The following VWCE variants were observed in gnomAD, a reference collection of about 807,000 sequenced individuals.
VWCE encodes von Willebrand factor C and EGF domains.
Under a neutral mutation model 102.9 loss-of-function variants are expected in VWCE, and 68 were observed. That is an observed-to-expected ratio of 0.66 (90% confidence interval 0.54 to 0.81). The LOEUF is 0.81. VWCE is among the 30% of genes least tolerant of loss of function. The probability of loss-of-function intolerance (pLI) is 0.00; values close to 1 mark genes in which losing one functional copy is unlikely to be tolerated. For missense variants in VWCE, 1,137 were observed against 1,263.6 expected (o/e 0.90, Z 1.52); for synonymous variants, 497 against 515.4 (o/e 0.96, Z 0.48).
At chr11:61,270,079 A>G (rs2134758974) in intron 14 of VWCE, among the ~76,000 whole-genome samples, 1 of 151,836 alleles carries the variant, frequency 6.6e-6, no homozygotes, top group South Asian at 2.1e-4. Flanking sequence ...CACCACGCCC[A>G]GCTAATTTTT....
intron 5 of VWCE, among the ~76,000 whole-genome samples, chr11:61,285,897 G>A (rs910170794): frequency 1.3e-5 from 2 of 152,148 alleles, no homozygotes; most frequent in African/African-American, 4.8e-5. Flanking sequence ...GGGATTACAG[G>A]TGCTCGCCAC....
In VWCE at chr11:61,271,708, C is replaced by G; in HGVS notation, c.1752G>C (p.Ser584=). The G allele has an allele frequency of 6.2e-7, 1 of 1,613,534 alleles. No individual in the cohort carries two copies. The part of the protein sequence containing the change: ...GVEFPIGQIW[S]PGDPCELCIC... ...TGCATAACTCACAGGGGTCACCAGG[C>G]GACCAGATCTGTCCAATCGGAAACT... The change falls in exon 14 of 20, where the codon TCG becomes TCC. Residue 584 remains serine (S), a synonymous_variant. Coordinates refer to ENST00000335613, the MANE Select transcript of VWCE (RefSeq NM_152718.2).
At chr11:61,267,126 T>TG (rs1173221126) in intron 16 of VWCE, among the ~76,000 whole-genome samples, 1 of 152,022 alleles carries the variant, frequency 6.6e-6, no homozygotes, top group Non-Finnish European at 1.5e-5. Context: ...GGCGTGGTGG[T>TG]GCATGCCTGT....
At position 61,281,813 on chromosome 11, in the gene VWCE, G is replaced by T. The variant is rs779537106; in HGVS notation, c.760C>A (p.Leu254Ile). ...TCACAGGACACGCGGTCAGCTCGGAGCCTGAAGCCAGGTCGGCATGTGCAT... is the reference window on the plus strand; with the variant it reads ...TCACAGGACACGCGGTCAGCTCGGATCCTGAAGCCAGGTCGGCATGTGCAT... ...FLCTCRPGFR[L>I]RADRVSCEAF... Residue 254 changes from leucine (L) to isoleucine (I), a missense_variant, in exon 7 of 20, where the codon CTC becomes ATC. Physicochemically the swap from Leu to Ile is conservative, Grantham distance 5. Coordinates refer to ENST00000335613, the MANE Select transcript of VWCE (RefSeq NM_152718.2). 3.7e-6 allele frequency: 6 copies of T among 1,613,790 alleles called. No individual in the cohort carries two copies. The highest frequency in any genetic ancestry group is 3.3e-5 in the South Asian group (3 of 90,950).
rs1431265032 is a variant in VWCE, at chr11:61,259,109, T to C, written c.2434A>G (p.Thr812Ala). The C allele has an allele frequency of 1.1e-5, 17 of 1,614,070 alleles. No homozygotes were observed. In the East Asian group the frequency reaches 3.6e-4, roughly 34 times the overall value. ...GCTCCTGCCGGGCTTGTAGGTAAAG[T>C]CTGTGTTTTCATCAAGTTCGTTCTT... ...LLRTNLMKTQ[T>A]LPTSPAGAHG... Residue 812 changes from threonine to alanine, a missense_variant, in exon 20 of 20, where the codon ACT (threonine) becomes GCT (alanine). Around this residue, in one of 5 missense-constraint regions of VWCE, gnomAD observed 316 missense variants for 319.3 expected, o/e 0.99. Coordinates refer to ENST00000335613, the MANE Select transcript of VWCE (RefSeq NM_152718.2).
Position 61,258,965 on chromosome 11 carries a change from C to T in VWCE, c.2578G>A (p.Ala860Thr), listed in dbSNP as rs1854270850. 6.3e-6 allele frequency: 10 copies of T among 1,587,272 alleles called. No homozygotes were observed. The highest frequency in any genetic ancestry group is 8.6e-6 in the Non-Finnish European group (10 of 1,167,714). The part of the protein sequence containing the change: ...TPPGAPTLPL[A>T]SPGAPQPPPV... ...GGTGGCTGAGGAGCCCCTGGGGAAG[C>T]TAGAGGTAGAGTGGGGGCTCCTGGA... is the stretch of plus-strand genomic sequence containing the variant. Residue 860 changes from alanine to threonine, a missense_variant, in exon 20 of 20, where the codon GCT becomes ACT. Physicochemically the swap from Ala to Thr is moderately conservative, Grantham distance 58 (BLOSUM62 0). Around this residue, in one of 5 missense-constraint regions of VWCE, gnomAD observed 316 missense variants for 319.3 expected, o/e 0.99. Coordinates refer to ENST00000335613, the MANE Select transcript of VWCE (RefSeq NM_152718.2).
intron 4 of VWCE, among the ~76,000 whole-genome samples, chr11:61,289,966 G>A (rs1855447853): frequency 6.6e-6 from 1 of 152,196 alleles, no homozygotes; most frequent in Non-Finnish European, 1.5e-5. Context: ...TTCTGGGGAA[G>A]GTAACAGATT....
chr11:61,286,716 G>A (rs978465847), intron 4 of VWCE, among the ~76,000 whole-genome samples: 104 of 152,096 alleles, frequency 6.8e-4, no homozygotes, highest in Non-Finnish European at 1.3e-3. Context: ...CAGGAGAATC[G>A]CTTGAACCCA....
rs142520723 is a variant in VWCE, at chr11:61,281,191, G to A, written c.832C>T (p.Arg278Trp). 631 of 1,613,258 alleles carry A rather than the reference G, an allele frequency of 3.9e-4. 3 individuals are homozygous for A. The East Asian group carries it at 0.011, about 29-fold the overall frequency. The change falls in exon 8 of 20, where the codon CGG becomes TGG. Residue 278 changes from arginine (R) to tryptophan (W), a missense_variant. Transcript: ENST00000335613. ...AGAAGCATCTTGGACGGGTGTTGCC[G>A]GGGTTGCAGGATGGCAGATGGGGCC... ...VLAPSAILQPRQHPSKMLLLL... is the reference protein window; with the variant it reads ...VLAPSAILQPWQHPSKMLLLL...
chr11:61,266,768 C>G (rs1382333496), intron 16 of VWCE, among the ~76,000 whole-genome samples: 1 of 152,156 alleles, frequency 6.6e-6, no homozygotes, highest in Non-Finnish European at 1.5e-5. Flanking sequence ...AGATGATAAA[C>G]TCTTGAATGG....
At chr11:61,263,703 A>G (rs893875105) in intron 19 of VWCE, among the ~76,000 whole-genome samples, 4 of 152,146 alleles carry the variant, frequency 2.6e-5, no homozygotes, top group Admixed American at 2.6e-4. Context: ...CCAATCAGCT[A>G]TGTGATCTTG....
At chr11:61,268,788 G>A (rs1393994105) in intron 15 of VWCE, 134 bp downstream of exon 15, 2 of 840,898 alleles carry the variant, frequency 2.4e-6, no homozygotes, top group African/African-American at 1.7e-5. Flanking sequence ...TTCTACCTCA[G>A]TTTCCTTATC....
Position 61,295,242 on chromosome 11 carries a change from G to C in VWCE, c.-205C>G. On this transcript the variant is annotated 5_prime_UTR_variant, in exon 1 of 20. Coordinates refer to ENST00000335613, the MANE Select transcript of VWCE (RefSeq NM_152718.2). The surrounding 1 kb of genome is among the most constrained non-coding windows in gnomAD (Gnocchi z 4.6). ...AGGGGACGCGGCGGACGATTGTGGG[G>C]AGGGTCTCTGGCACCTCGAAGCGAA... The C allele has an allele frequency of 2.6e-6, 1 of 381,056 alleles. No homozygotes were observed. Among genetic ancestry groups the C allele is most frequent in the Non-Finnish European group, 4.6e-6 (1 of 215,362 alleles). The allele number at this position is 381,056 out of a possible 1,614,324, so 23.6% of individuals were successfully genotyped here. A position where few individuals can be genotyped will look rare whatever the true frequency, so the allele number is the denominator to read the frequency against.
chr11:61,279,804 C>T (rs1196744682), intron 9 of VWCE, among the ~76,000 whole-genome samples: 1 of 152,138 alleles, frequency 6.6e-6, no homozygotes, highest in African/African-American at 2.4e-5. Context: ...TGGCTCACTG[C>T]AGCCTCGACC....
rs373378507 is a variant in VWCE at position 61,281,773 on chromosome 11, G to C, written c.787+13C>G. 2.5e-6 allele frequency: 4 copies of C among 1,605,702 alleles called. No homozygotes were observed. In the African/African-American group the frequency reaches 4.0e-5, roughly 16 times the overall value. The stretch of plus-strand genomic sequence containing the variant: ...CGTGGCCAGCCGCCGGGATGGAGGG[G>C]CCTGGCGCTCACCTTCACAGGACAC... On this transcript the variant is annotated intron_variant, in intron 7 of 19. Coordinates refer to ENST00000335613, the MANE Select transcript of VWCE (RefSeq NM_152718.2).
intron 6 of VWCE, 72 bp from the exon 7 acceptor site, chr11:61,281,986 C>T (rs964801916): frequency 2.6e-6 from 4 of 1,556,886 alleles, no homozygotes; most frequent in African/African-American, 1.4e-5. Context: ...CATCCCTTAG[C>T]TCAAAACACT....
Position 61,291,260 on chromosome 11 carries a change from T to A in VWCE, c.295+4A>T, listed in dbSNP as rs1855493943. 1 of 1,571,634 alleles carries A rather than the reference T, an allele frequency of 6.4e-7. No individual in the cohort carries two copies. The highest frequency in any genetic ancestry group is 8.6e-7 in the Non-Finnish European group (1 of 1,157,846). On this transcript the variant is annotated splice_donor_region_variant and intron_variant, in intron 3 of 19. Transcript: ENST00000335613. ...CCCATCAGCCCCTTCCCATCCCCAG[T>A]TACCTGGGCAGGTGGCCCCTTGCTC...
Position 61,273,411 on chromosome 11 carries a change from T to C in VWCE, c.1582-95A>G, listed in dbSNP as rs1234957981. 5.3e-6 allele frequency: 6 copies of C among 1,139,642 alleles called. No individual in the cohort carries two copies. The African/African-American group carries it at 9.5e-5, about 18-fold the overall frequency. The allele number at this position is 1,139,642 out of a possible 1,614,324, so 70.6% of individuals were successfully genotyped here. On this transcript the variant is annotated intron_variant, in intron 12 of 19. Transcript: ENST00000335613. ...GGCCGCAGGCTGCCTGCCATCACCC[T>C]CCCGGCTACTCAAGTGAAACTGACA...
chr11:61,261,902 T>C (rs1854371823), intron 19 of VWCE, among the ~76,000 whole-genome samples: 1 of 152,082 alleles, frequency 6.6e-6, no homozygotes, highest in Non-Finnish European at 1.5e-5. Flanking sequence ...AAGAGGTAGG[T>C]GGTAAACATA....
Sources: allele counts gnomAD v4.1 joint callset (sites outside exome capture counted in the v4.1 genomes callset), GRCh38; gene constraint gnomAD v4.1.1; regional missense constraint gnomAD v4.1.1; non-coding constraint Gnocchi (gnomAD v3.1); transcripts MANE v1.5; gene names NCBI Gene and HGNC (gene_info 2026-07-23, HGNC 2026-07-21).